EML6: variants seen among roughly 807,000 people sequenced by gnomAD.
The protein encoded by EML6 is echinoderm microtubule-associated protein-like 6.
A neutral mutation model predicts 240.1 loss-of-function variants in EML6; 154 were observed. The ratio of observed to expected loss-of-function variants is 0.64; its 90% confidence interval spans 0.56 to 0.73. The LOEUF is 0.73. Ranked by LOEUF, EML6 falls within the 30% of genes least tolerant of loss-of-function variation. The pLI is 0.00. For synonymous variants in EML6, 1,148 were observed against 899.0 expected (o/e 1.28, Z -4.95); for missense variants, 2,964 against 2,474.6 (o/e 1.20, Z -4.20).
At position 54,892,520 on chromosome 2, in the gene EML6, T is replaced by C; in HGVS notation, c.2606T>C (p.Val869Ala). The change falls in exon 19 of 42, where the codon GTT becomes GCT. Residue 869 changes from valine to alanine, a missense_variant. Coordinates refer to ENST00000356458, the MANE Select transcript of EML6 (RefSeq NM_001039753.4). The part of the protein sequence containing the change: ...SVGKLETMMC[V>A]SYGRMEDLVF... ...GGAAAATTGGAAACAATGATGTGTGTTTCTTACGGACGAATGGAAGATCTA... is the reference window on the plus strand; with the variant it reads ...GGAAAATTGGAAACAATGATGTGTGCTTCTTACGGACGAATGGAAGATCTA... 1 of 1,551,516 alleles carries C rather than the reference T, an allele frequency of 6.4e-7. No individual in the cohort carries two copies. The highest frequency in any genetic ancestry group is 8.7e-7 in the Non-Finnish European group (1 of 1,146,808).
intron 7 of EML6, 120 bp from the exon 8 acceptor site, chr2:54,843,927 G>T: frequency 2.8e-6 from 2 of 705,608 alleles, no homozygotes; most frequent in Non-Finnish European, 2.4e-6. Context: ...TGTCACATTT[G>T]ATGGTATCCT....
chr2:54,850,615 G>A (rs183060024), intron 10 of EML6, among the ~76,000 whole-genome samples: 157 of 152,108 alleles, frequency 1.0e-3, no homozygotes, highest in Non-Finnish European at 1.8e-3. Flanking sequence ...AATCTCACAT[G>A]ACCAATAAAA....
At chr2:54,748,751 C>G (rs1342917436) in intron 2 of EML6, among the ~76,000 whole-genome samples, 1 of 152,052 alleles carries the variant, frequency 6.6e-6, no homozygotes, top group African/African-American at 2.4e-5. Context: ...TTTGTAGAGA[C>G]AGGGTCTTGC....
chr2:54,765,451 A>G (rs1477199744), intron 2 of EML6, among the ~76,000 whole-genome samples: 6 of 151,992 alleles, frequency 3.9e-5, no homozygotes, highest in African/African-American at 1.5e-4. Flanking sequence ...AATTTTATGC[A>G]TTCTTTTATT....
intron 4 of EML6, among the ~76,000 whole-genome samples, chr2:54,819,870 A>G (rs940514705): frequency 1.3e-5 from 2 of 152,040 alleles, no homozygotes; most frequent in African/African-American, 4.8e-5. Context: ...GATTAAAATG[A>G]TAGCCTGAGG....
At chr2:54,830,005 A>T (rs1476826600) in intron 7 of EML6, among the ~76,000 whole-genome samples, 2 of 152,216 alleles carry the variant, frequency 1.3e-5, no homozygotes, top group Non-Finnish European at 2.9e-5. Flanking sequence ...AATGGAGATA[A>T]TACTAGCACC....
chr2:54,792,903 T>C (rs1420411047), intron 2 of EML6, among the ~76,000 whole-genome samples: 1 of 152,174 alleles, frequency 6.6e-6, no homozygotes, highest in Admixed American at 6.5e-5. Flanking sequence ...AGAGGAGTTA[T>C]AAAAAGCAAA....
intron 24 of EML6, 52 bp downstream of exon 24, chr2:54,903,554 C>T: frequency 7.7e-7 from 1 of 1,301,640 alleles, no homozygotes; most frequent in Non-Finnish European, 1.0e-6. Context: ...AAAAAATGTC[C>T]ATTTATGCAT....
intron 15 of EML6, among the ~76,000 whole-genome samples, chr2:54,870,727 A>G (rs1473999644): frequency 6.6e-6 from 1 of 151,946 alleles, no homozygotes; most frequent in Admixed American, 6.6e-5. Flanking sequence ...GAGTTACTGC[A>G]CTCAATACTG....
intron 2 of EML6, among the ~76,000 whole-genome samples, chr2:54,757,825 C>G (rs1428386747): frequency 6.6e-6 from 1 of 151,902 alleles, no homozygotes; most frequent in Non-Finnish European, 1.5e-5. Flanking sequence ...CCCTGGTAGG[C>G]TTAGATTTCT....
intron 11 of EML6, among the ~76,000 whole-genome samples, chr2:54,854,725 T>C (rs1329925537): frequency 6.6e-6 from 1 of 152,200 alleles, no homozygotes; most frequent in Non-Finnish European, 1.5e-5. Flanking sequence ...GAACATAAAA[T>C]GCATAACAAG....
In EML6 at chr2:54,799,071, A is replaced by AT. The variant is rs1194147504; in HGVS notation, c.198-14154dup. On this transcript the variant is annotated intron_variant, in intron 2 of 41. Coordinates refer to ENST00000356458, the MANE Select transcript of EML6 (RefSeq NM_001039753.4). ...TTTATTCTGCTATATATTCTGCTAG[A>AT]TTTTTTTGAGACGGAGTCTTGTTCT... is the stretch of plus-strand genomic sequence containing the variant. Among the ~76,000 whole-genome samples, 7 of 151,892 alleles carry AT rather than the reference A, an allele frequency of 4.6e-5. No homozygotes were observed. In the South Asian group the frequency reaches 6.2e-4, roughly 14 times the overall value.
intron 10 of EML6, 57 bp downstream of exon 10, chr2:54,850,275 A>G: frequency 2.8e-6 from 4 of 1,452,772 alleles, no homozygotes; most frequent in Non-Finnish European, 3.8e-6. Flanking sequence ...AACCAGGTGA[A>G]GGAAATACAG....
At position 54,901,444 on chromosome 2, in the gene EML6, C is replaced by A. The variant is rs552517848; in HGVS notation, c.3125-1600C>A. On this transcript the variant is annotated intron_variant, in intron 22 of 41. Coordinates refer to ENST00000356458, the MANE Select transcript of EML6 (RefSeq NM_001039753.4). Reference sequence around the variant, plus strand: ...ATATCGGGGGAATGATAGGCCAAGTCCTCACTGTGAAGGACTTGAATGTCA... The same window carrying A: ...ATATCGGGGGAATGATAGGCCAAGTACTCACTGTGAAGGACTTGAATGTCA... Among the ~76,000 whole-genome samples the A allele has an allele frequency of 3.3e-5, 5 of 152,296 alleles. No homozygotes were observed. The South Asian group carries it at 1.0e-3, about 32-fold the overall frequency.
intron 2 of EML6, among the ~76,000 whole-genome samples, chr2:54,750,398 T>G (rs527543591): frequency 6.6e-5 from 10 of 152,342 alleles, no homozygotes; most frequent in Non-Finnish European, 1.2e-4. Flanking sequence ...AGTTAGCTTA[T>G]TGGCATCACC....
At chr2:54,941,842 C>A (rs1479671328) in intron 28 of EML6, among the ~76,000 whole-genome samples, 4 of 152,254 alleles carry the variant, frequency 2.6e-5, no homozygotes, top group African/African-American at 7.2e-5. Flanking sequence ...CCCACCCCTT[C>A]GTTCTGCAAG....
chr2:54,740,553 T>C (rs539023577), intron 2 of EML6, among the ~76,000 whole-genome samples: 163 of 152,348 alleles, frequency 1.1e-3, no homozygotes, highest in African/African-American at 3.7e-3. Flanking sequence ...CTTTCTGTTA[T>C]AGCAATACGA....
chr2:54,959,021 G>C, intron 33 of EML6, 83 bp from the exon 34 acceptor site: 1 of 1,315,412 alleles, frequency 7.6e-7, no homozygotes, highest in Non-Finnish European at 1.0e-6. Context: ...CTCTAGCTCT[G>C]GTTCCTTAAT....
chr2:54,807,398 A>G (rs1033921501), intron 2 of EML6, among the ~76,000 whole-genome samples: 1 of 152,236 alleles, frequency 6.6e-6, no homozygotes, highest in African/African-American at 2.4e-5. Context: ...TATATTCACA[A>G]TGTAACAGCT....
Sources: allele counts gnomAD v4.1 joint callset (sites outside exome capture counted in the v4.1 genomes callset), GRCh38; gene constraint gnomAD v4.1.1; transcripts MANE v1.5; gene names NCBI Gene and HGNC (gene_info 2026-07-23, HGNC 2026-07-21).